The following LY75 variants were observed in gnomAD, a reference collection of about 807,000 sequenced individuals.
LY75 encodes C-type lectin domain family 13 member B.
LY75 carries 185 observed loss-of-function variants against 231.7 expected under a neutral mutation model. That is an observed-to-expected ratio of 0.80 (90% CI 0.71 to 0.90). The LOEUF (loss-of-function observed/expected upper bound fraction) is 0.90. Ranked by LOEUF, LY75 falls within the 40% of genes least tolerant of loss-of-function variation. LY75 has a pLI of 0.00. For synonymous variants in LY75, 668 were observed against 689.0 expected (o/e 0.97, Z 0.48); for missense variants, 1,947 against 2,050.2 (o/e 0.95, Z 0.97).
At chr2:159,881,308 C>A (rs114668937) in intron 7 of LY75, 68 bp from the exon 8 acceptor site, 9 of 1,483,412 alleles carry the variant, frequency 6.1e-6, no homozygotes, top group African/African-American at 1.4e-5. Context: ...CATTGTTATA[C>A]AAATTTTTAT....
intron 23 of LY75, among the ~76,000 whole-genome samples, chr2:159,846,232 C>CA (rs994669079): frequency 8.4e-4 from 127 of 151,762 alleles, no homozygotes; most frequent in African/African-American, 2.7e-3. Flanking sequence ...AAAAAACACA[C>CA]AAAAAACAGA....
At chr2:159,888,166 A>G (rs1009519668) in intron 4 of LY75, among the ~76,000 whole-genome samples, 1 of 152,136 alleles carries the variant, frequency 6.6e-6, no homozygotes, top group Non-Finnish European at 1.5e-5. Context: ...GCGACAAAAG[A>G]CCTGTGGCCT....
chr2:159,860,843 A>G lies in LY75; in HGVS notation c.2246T>C (p.Ile749Thr). The change falls in exon 15 of 35, where the codon ATC becomes ACC. Residue 749 changes from isoleucine (I) to threonine (T), a missense_variant. By Grantham distance (89) the Ile-to-Thr change is moderately conservative. Coordinates refer to ENST00000263636, the MANE Select transcript of LY75 (RefSeq NM_002349.4). ...GACCTTGACAGCAGCACAGTCTCTGATGTCATAATCCTGCTGAAACTCATT... is the reference window on the plus strand; with the variant it reads ...GACCTTGACAGCAGCACAGTCTCTGGTGTCATAATCCTGCTGAAACTCATT... ...MPNEFQQDYD[I>T]RDCAAVKVFH... 6.2e-7 allele frequency: 1 copy of G among 1,614,000 alleles called. No individual in the cohort carries two copies. Among genetic ancestry groups the G allele is most frequent in the Non-Finnish European group, 8.5e-7 (1 of 1,179,908 alleles).
At chr2:159,838,187 ACTC>A (rs1332070899) in intron 25 of LY75, among the ~76,000 whole-genome samples, 2 of 152,080 alleles carry the variant, frequency 1.3e-5, no homozygotes, top group Non-Finnish European at 1.5e-5. Flanking sequence ...TATTGCCACT[ACTC>A]TGTTTAAAAT....
chr2:159,895,358 T>C (rs1685882348), intron 2 of LY75, among the ~76,000 whole-genome samples: 1 of 152,168 alleles, frequency 6.6e-6, no homozygotes, highest in African/African-American at 2.4e-5. Context: ...TTATTACCTA[T>C]GTTTCAGTTT....
intron 31 of LY75, among the ~76,000 whole-genome samples, chr2:159,811,632 T>A (rs1263152015): frequency 6.6e-6 from 1 of 152,212 alleles, no homozygotes; most frequent in Non-Finnish European, 1.5e-5. Flanking sequence ...TTTCTCCAAA[T>A]CTCCACTTGG....
At chr2:159,809,463 C>T (rs1682887287) in intron 32 of LY75, among the ~76,000 whole-genome samples, 1 of 152,114 alleles carries the variant, frequency 6.6e-6, no homozygotes, top group South Asian at 2.1e-4. Flanking sequence ...TGAGGCTAAG[C>T]TTATGTATTA....
chr2:159,830,688 C>A (rs770296354), intron 28 of LY75, among the ~76,000 whole-genome samples: 3 of 149,394 alleles, frequency 2.0e-5, no homozygotes, highest in Non-Finnish European at 4.4e-5. Context: ...CTCCCGGGTT[C>A]AAGTGATTCT....
chr2:159,841,385 C>T (rs1009990215), intron 24 of LY75, among the ~76,000 whole-genome samples: 29 of 151,788 alleles, frequency 1.9e-4, no homozygotes, highest in African/African-American at 7.0e-4. Flanking sequence ...TATAGTACTT[C>T]GCTAATAAAG....
chr2:159,902,561 A>G (rs928139537), intron 1 of LY75: 14 of 152,362 alleles, frequency 9.2e-5, no homozygotes, highest in African/African-American at 2.9e-4. Flanking sequence ...ATAGCTTGGG[A>G]AAACAAGAAG....
rs79624186 is a variant in LY75 at position 159,877,499 on chromosome 2, C to T, written c.1774+825G>A. On this transcript the variant is annotated intron_variant, in intron 11 of 34. Transcript: ENST00000263636. ...CTAAAAGTATTTCTGAGGTCCTTTC[C>T]GGCTTAAGTGTTCTGATTCTATGGC... Among the ~76,000 whole-genome samples the T allele has an allele frequency of 4.9e-3, 747 of 152,212 alleles. 6 individuals are homozygous for T. Among genetic ancestry groups the T allele is most frequent in the Non-Finnish European group, 8.6e-3 (586 of 68,010 alleles).
In LY75 at chr2:159,816,832, G is replaced by A; in HGVS notation, c.4354C>T (p.Leu1452=). ...EDIVKRDGFP[L]WVGLSSHDGS... ...TCATGACTTGAGAGCCCAACCCATA[G>A]TGGAAATCCATCACGTTTTACAATA... Residue 1452 remains leucine (L), a synonymous_variant, in exon 30 of 35, where the codon CTA becomes TTA. Coordinates refer to ENST00000263636, the MANE Select transcript of LY75 (RefSeq NM_002349.4). 2 of 1,614,160 alleles carry A rather than the reference G, an allele frequency of 1.2e-6. No individual in the cohort carries two copies. The highest frequency in any genetic ancestry group is 1.7e-6 in the Non-Finnish European group (2 of 1,180,002).
At chr2:159,810,312 G>A (rs973470030) in intron 32 of LY75, among the ~76,000 whole-genome samples, 3 of 152,152 alleles carry the variant, frequency 2.0e-5, no homozygotes, top group Non-Finnish European at 4.4e-5. Context: ...GATTACAGGC[G>A]TTTTTAATGG....
chr2:159,812,602 G>A (rs1162333224), intron 31 of LY75, among the ~76,000 whole-genome samples: 4 of 151,936 alleles, frequency 2.6e-5, no homozygotes, highest in Admixed American at 1.3e-4. Context: ...TTGTAGAGAC[G>A]GAGTCTTACT....
intron 23 of LY75, among the ~76,000 whole-genome samples, chr2:159,849,153 T>A (rs933484318): frequency 2.6e-5 from 4 of 152,238 alleles, no homozygotes; most frequent in African/African-American, 9.6e-5. Context: ...ATTGAGAACT[T>A]CCTTTGCTAC....
chr2:159,878,244 T>C, intron 11 of LY75, 80 bp downstream of exon 11: 2 of 1,520,748 alleles, frequency 1.3e-6, no homozygotes, highest in Non-Finnish European at 8.8e-7. Context: ...ATTTCAAAAG[T>C]AAGTGAGGAA....
chr2:159,831,760 G>T lies in LY75; in HGVS notation c.3868C>A (p.Arg1290=), dbSNP rs1468585802. 1.2e-6 allele frequency: 2 copies of T among 1,608,802 alleles called. No homozygotes were observed. The highest frequency in any genetic ancestry group is 1.7e-4 in the Middle Eastern group (1 of 6,048). ...ACAAAGTTATTCTCCTTTTCATCTC[G>T]AATACTCAGAATATGTGATTTTGGA... The part of the protein sequence containing the change: ...LNPKSHILSI[R]DEKENNFVLE... Residue 1290 remains arginine, a synonymous_variant, in exon 28 of 35, where the codon CGA becomes AGA. Coordinates refer to ENST00000263636, the MANE Select transcript of LY75 (RefSeq NM_002349.4).
At chr2:159,819,484 AC>A (rs1232440523) in intron 29 of LY75, among the ~76,000 whole-genome samples, 1 of 151,974 alleles carries the variant, frequency 6.6e-6, no homozygotes, top group Non-Finnish European at 1.5e-5. Context: ...TTAATCTAAG[AC>A]CAATTTACAT....
intron 23 of LY75, among the ~76,000 whole-genome samples, chr2:159,845,966 C>CTTTTTT: frequency 6.7e-6 from 1 of 148,170 alleles, no homozygotes; most frequent in Non-Finnish European, 1.5e-5. Flanking sequence ...TTTTCTCTCT[C>CTTTTTT]TTTTTTTTTT....
Sources: gnomAD v4.1 joint callset for allele counts (sites outside exome capture counted in the v4.1 genomes callset) on GRCh38, gnomAD v4.1.1 for gene constraint, MANE v1.5 for transcripts, NCBI Gene and HGNC (gene_info 2026-07-23, HGNC 2026-07-21) for gene names.